Variants in KLF12 observed in about 807,000 individuals in gnomAD.
KLF12 encodes the protein KLF transcription factor 12.
A neutral mutation model predicts 37.8 loss-of-function variants in KLF12; 9 were observed. That is an observed-to-expected ratio of 0.24 (90% CI 0.14 to 0.42). The LOEUF (loss-of-function observed/expected upper bound fraction) is 0.42, where lower values mean the gene tolerates loss of function less well. KLF12 is among the 10% of genes least tolerant of loss of function. The pLI is 1.00. For missense variants in KLF12, 411 were observed against 516.0 expected (o/e 0.80, Z 1.97); for synonymous variants, 208 against 202.1 (o/e 1.03, Z -0.25).
At chr13:73,726,529 T>C (rs1876685503) in intron 6 of KLF12, among the ~76,000 whole-genome samples, 1 of 152,222 alleles carries the variant, frequency 6.6e-6, no homozygotes, top group South Asian at 2.1e-4. Context: ...CATCATATAA[T>C]GCATGGCCTT....
At position 74,126,451 on chromosome 13, in the gene KLF12, T is replaced by C. The variant is rs527637716; in HGVS notation, c.-32+7288A>G. 3.8e-4 allele frequency among the ~76,000 whole-genome samples: 58 copies of C among 152,306 alleles called. No homozygotes were observed. In the South Asian group the frequency reaches 0.012, roughly 30 times the overall value. ...GTATTTGTATTTTTTGTGTTCTATTTCATTTTTTTCACAATTTTTTTCACA... is the reference window on the plus strand; with the variant it reads ...GTATTTGTATTTTTTGTGTTCTATTCCATTTTTTTCACAATTTTTTTCACA... On this transcript the variant is annotated intron_variant, in intron 1 of 7. Coordinates refer to ENST00000377669, the MANE Select transcript of KLF12 (RefSeq NM_007249.5).
chr13:74,305,559 T>C, the KLF12 span, among the ~76,000 whole-genome samples: 1 of 152,076 alleles, frequency 6.6e-6, no homozygotes, highest in African/African-American at 2.4e-5. Flanking sequence ...ATATTCTCTA[T>C]TTATAAAAAA....
intron 6 of KLF12, among the ~76,000 whole-genome samples, chr13:73,721,805 G>A (rs1440398635): frequency 2.3e-5 from 2 of 87,324 alleles, no homozygotes; most frequent in South Asian, 3.6e-4. Context: ...CTCCCACTTC[G>A]GCGTCCCAGT....
the KLF12 span, among the ~76,000 whole-genome samples, chr13:74,148,766 T>G: frequency 6.6e-6 from 1 of 152,188 alleles, no homozygotes; most frequent in East Asian, 1.9e-4. Flanking sequence ...TGTTTTGTTT[T>G]GATGCTCTGA....
At chr13:74,139,016 G>T in the KLF12 span, among the ~76,000 whole-genome samples, 2 of 152,134 alleles carry the variant, frequency 1.3e-5, no homozygotes, top group Non-Finnish European at 2.9e-5. Flanking sequence ...TCCCTTCTTG[G>T]AGCTTCTTGT....
chr13:74,013,926 C>T lies in KLF12; in HGVS notation c.-31-18873G>A, dbSNP rs79109768. Among the ~76,000 whole-genome samples, 5 of 151,946 alleles carry T rather than the reference C, an allele frequency of 3.3e-5. No individual in the cohort carries two copies. The East Asian group carries it at 7.8e-4, about 24-fold the overall frequency. On this transcript the variant is annotated intron_variant, in intron 1 of 7. Coordinates refer to ENST00000377669, the MANE Select transcript of KLF12 (RefSeq NM_007249.5). ...AACTCCTGGGCTCAAGGTATCCTCC[C>T]ATCTCAGCCTTCAGAGTAGTTGGGA...
At chr13:73,812,897 G>C in intron 5 of KLF12, 1 of 347,072 alleles carries the variant, frequency 2.9e-6, no homozygotes, top group East Asian at 4.3e-5. Context: ...CAGAGTTCAG[G>C]AGAAGGGTGC....
At chr13:73,963,857 T>C (rs1467046654) in intron 2 of KLF12, among the ~76,000 whole-genome samples, 1 of 152,234 alleles carries the variant, frequency 6.6e-6, no homozygotes, top group African/African-American at 2.4e-5. Context: ...CATGTACAGC[T>C]TGGATGCTAA....
rs1566301110 is a variant in KLF12, at chr13:73,694,694, T to A, written c.*796A>T. 1 of 152,656 alleles carries A rather than the reference T, an allele frequency of 6.6e-6. No individual in the cohort carries two copies. 9.5% of individuals were successfully genotyped at this position (152,656 alleles called of 1,614,324 possible). On this transcript the variant is annotated 3_prime_UTR_variant, in exon 8 of 8. Coordinates refer to ENST00000377669, the MANE Select transcript of KLF12 (RefSeq NM_007249.5). ...ACTGCAATTTGAAGTGGGGCAGTAG[T>A]TTTTTAGACAGGCTCTTCCTATTCA...
chr13:74,205,471 A>G, the KLF12 span, among the ~76,000 whole-genome samples: 5 of 152,156 alleles, frequency 3.3e-5, no homozygotes, highest in African/African-American at 9.7e-5. Context: ...ACTGAAGTGC[A>G]TGTGTGACTT....
At chr13:73,810,982 C>CTTTCTTTCTTTTTTTTTTTTTTTTTTTTT (rs1555308731) in intron 5 of KLF12, among the ~76,000 whole-genome samples, 1 of 44,808 alleles carries the variant, frequency 2.2e-5, no homozygotes, top group African/African-American at 8.4e-5. Flanking sequence ...ATTTTTCTTT[C>CTTTCTTTCTTTTTTTTTTTTTTTTTTTTT]TTTTTTTTTT....
rs1264813640 is a variant in KLF12 at position 74,060,500 on chromosome 13, G to GTGTGTGTGTC, written c.-31-65448_-31-65447insGACACACACA. Among the ~76,000 whole-genome samples, 838 of 149,192 alleles carry GTGTGTGTGTC rather than the reference G, an allele frequency of 5.6e-3. 15 individuals are homozygous for GTGTGTGTGTC. The highest frequency in any genetic ancestry group is 0.017 in the Middle Eastern group (5 of 292). On this transcript the variant is annotated intron_variant, in intron 1 of 7. Transcript: ENST00000377669. Reference sequence around the variant, plus strand: ...ACCTAGGTTTTGTGTGTGTGTGTGTGTGTGTGTGTGTGTGTGTGTGTGTGT... The same window carrying GTGTGTGTGTC: ...ACCTAGGTTTTGTGTGTGTGTGTGTGTGTGTGTGTCTGTGTGTGTGTGTGTGTGTGTGTGT...
At chr13:74,062,021 CAG>C in intron 1 of KLF12, among the ~76,000 whole-genome samples, 1 of 152,292 alleles carries the variant, frequency 6.6e-6, no homozygotes, top group Admixed American at 6.5e-5. Flanking sequence ...AAAGTGCCAG[CAG>C]AGTCTTCCTC....
At chr13:74,223,494 G>A in the KLF12 span, among the ~76,000 whole-genome samples, 2 of 152,158 alleles carry the variant, frequency 1.3e-5, no homozygotes, top group African/African-American at 4.8e-5. Context: ...CAGATGATGG[G>A]ACAAGTATGG....
At chr13:73,868,935 AT>A (rs1325802954) in intron 3 of KLF12, among the ~76,000 whole-genome samples, 2 of 152,152 alleles carry the variant, frequency 1.3e-5, no homozygotes, top group Non-Finnish European at 2.9e-5. Context: ...ACAAATCCAT[AT>A]TTTTTAAAGT....
chr13:73,840,831 TC>T (rs1438207217), intron 4 of KLF12, among the ~76,000 whole-genome samples: 2 of 151,574 alleles, frequency 1.3e-5, no homozygotes, highest in Non-Finnish European at 2.9e-5. Context: ...TCCCCTTCCC[TC>T]CCCCTACTTA....
the KLF12 span, among the ~76,000 whole-genome samples, chr13:74,220,678 T>C: frequency 6.6e-6 from 1 of 152,346 alleles, no homozygotes; most frequent in Admixed American, 6.5e-5. Context: ...CTCCCTGGTC[T>C]ACCCAACCCT....
At chr13:74,070,685 A>T (rs1874181953) in intron 1 of KLF12, among the ~76,000 whole-genome samples, 2 of 152,148 alleles carry the variant, frequency 1.3e-5, no homozygotes, top group Non-Finnish European at 2.9e-5. Flanking sequence ...TGTCTTGGTG[A>T]AGCAGATACT....
At chr13:73,780,228 C>A (rs893914010) in intron 5 of KLF12, among the ~76,000 whole-genome samples, 1 of 152,132 alleles carries the variant, frequency 6.6e-6, no homozygotes, top group African/African-American at 2.4e-5. Context: ...CAGATGAAGT[C>A]ATTTCTTTTT....
Sources: allele counts gnomAD v4.1 joint callset (sites outside exome capture counted in the v4.1 genomes callset), GRCh38; gene constraint gnomAD v4.1.1; transcripts MANE v1.5; gene names NCBI Gene and HGNC (gene_info 2026-07-23, HGNC 2026-07-21).